DLGAP2: variants seen among roughly 807,000 people sequenced by gnomAD.
DLGAP2 encodes the protein disks large-associated protein 2.
DLGAP2 carries 26 observed loss-of-function variants against 100.3 expected under a neutral mutation model. The observed-to-expected ratio is 0.26, with a 90% CI of 0.19 to 0.36. The LOEUF (loss-of-function observed/expected upper bound fraction) is 0.36. Ranked by LOEUF, DLGAP2 falls within the 10% of genes least tolerant of loss-of-function variation. The pLI is 1.00. For synonymous variants in DLGAP2, 886 were observed against 630.1 expected (o/e 1.41, Z -6.08); for missense variants, 1,858 against 1,453.2 (o/e 1.28, Z -4.53).
Position 1,701,474 on chromosome 8 carries a change from C to T in DLGAP2, c.*68C>T, listed in dbSNP as rs534915540. ...GGACGCTTGTGCAGCGCGGCGCCGC[C>T]CTGGTGGTTTCTGTCTCCTCCTCCC... On this transcript the variant is annotated 3_prime_UTR_variant, in exon 15 of 15. Coordinates refer to ENST00000637795, the MANE Select transcript of DLGAP2 (RefSeq NM_001346810.2). 3.2e-5 allele frequency: 47 copies of T among 1,471,046 alleles called. No individual in the cohort carries two copies. Among genetic ancestry groups the T allele is most frequent in the Non-Finnish European group, 3.9e-5 (43 of 1,097,826 alleles). 91.1% of individuals were successfully genotyped at this position (1,471,046 alleles called of 1,614,324 possible). A position where few individuals can be genotyped will look rare whatever the true frequency, so the allele number is the denominator to read the frequency against.
chr8:998,125 A>G (rs1192398649), intron 2 of DLGAP2, among the ~76,000 whole-genome samples: 1 of 152,116 alleles, frequency 6.6e-6, no homozygotes, highest in Non-Finnish European at 1.5e-5. Context: ...ATGAACACAA[A>G]CATGCATACA....
intron 2 of DLGAP2, among the ~76,000 whole-genome samples, chr8:1,234,983 A>T (rs1164445544): frequency 1.3e-5 from 2 of 150,808 alleles, no homozygotes; most frequent in African/African-American, 2.4e-5. Context: ...TCTCTCACGC[A>T]TAGCATCGTG....
chr8:1,589,191 A>C (rs1206941971), intron 6 of DLGAP2, among the ~76,000 whole-genome samples: 1 of 152,260 alleles, frequency 6.6e-6, no homozygotes, highest in Non-Finnish European at 1.5e-5. Flanking sequence ...CACTAAAATA[A>C]GAAAAGATAA....
At chr8:1,360,642 C>G (rs1801962079) in intron 3 of DLGAP2, among the ~76,000 whole-genome samples, 2 of 152,180 alleles carry the variant, frequency 1.3e-5, no homozygotes, top group Non-Finnish European at 2.9e-5. Flanking sequence ...TGCACACCCC[C>G]CACATCCTGA....
chr8:1,185,819 C>T (rs1400158947), intron 2 of DLGAP2, among the ~76,000 whole-genome samples: 2 of 152,018 alleles, frequency 1.3e-5, no homozygotes, highest in Non-Finnish European at 2.9e-5. Flanking sequence ...TGTAATCTAG[C>T]TTTAAACACA....
Position 1,494,049 on chromosome 8 carries a change from G to T in DLGAP2, c.107-7317G>T, listed in dbSNP as rs903237911. 6.6e-5 allele frequency among the ~76,000 whole-genome samples: 10 copies of T among 152,352 alleles called. No homozygotes were observed. The East Asian group carries it at 1.9e-3, about 29-fold the overall frequency. ...TGCCCTCCCATTCTGCATCGGGGGGGGCAGTAGGATGAACCCATAAACACA... is the reference window on the plus strand; with the variant it reads ...TGCCCTCCCATTCTGCATCGGGGGGTGCAGTAGGATGAACCCATAAACACA... On this transcript the variant is annotated intron_variant, in intron 3 of 14. Coordinates refer to ENST00000637795, the MANE Select transcript of DLGAP2 (RefSeq NM_001346810.2).
intron 3 of DLGAP2, among the ~76,000 whole-genome samples, chr8:1,432,664 C>G (rs1231320690): frequency 6.6e-6 from 1 of 152,200 alleles, no homozygotes; most frequent in Non-Finnish European, 1.5e-5. Flanking sequence ...AAGGCACTGG[C>G]CCTGAGCTGT....
At chr8:1,386,526 C>T (rs1030632068) in intron 3 of DLGAP2, among the ~76,000 whole-genome samples, 3 of 152,078 alleles carry the variant, frequency 2.0e-5, no homozygotes, top group African/African-American at 7.2e-5. Flanking sequence ...CTCCGGAGCT[C>T]CAGGCACAGG....
chr8:1,580,115 T>C (rs535308288), intron 6 of DLGAP2, among the ~76,000 whole-genome samples: 3 of 152,280 alleles, frequency 2.0e-5, no homozygotes, highest in African/African-American at 7.2e-5. Context: ...GGAGACACCG[T>C]AAAATTAAAG....
intron 2 of DLGAP2, among the ~76,000 whole-genome samples, chr8:1,123,452 C>T (rs1241514811): frequency 1.3e-5 from 2 of 152,106 alleles, no homozygotes; most frequent in Admixed American, 1.3e-4. Context: ...TTCCAGTAAA[C>T]AAGGAGGTTC....
chr8:1,518,145 T>TA (rs1208295422), intron 4 of DLGAP2, among the ~76,000 whole-genome samples: 1 of 152,232 alleles, frequency 6.6e-6, no homozygotes, highest in Non-Finnish European at 1.5e-5. Flanking sequence ...TATTGAGTGT[T>TA]ACGCTTCTGT....
intron 3 of DLGAP2, among the ~76,000 whole-genome samples, chr8:1,270,726 C>G (rs962360988): frequency 9.3e-5 from 14 of 151,030 alleles, no homozygotes; most frequent in African/African-American, 2.9e-4. Context: ...GTGTGTCTCC[C>G]TCTCTCTTTG....
At position 800,693 on chromosome 8, in the gene DLGAP2, T is replaced by C. The variant is rs534631995; in HGVS notation, c.18+62868T>C. 3.4e-4 allele frequency among the ~76,000 whole-genome samples: 52 copies of C among 152,242 alleles called. No individual in the cohort carries two copies. In the East Asian group the frequency reaches 8.9e-3, roughly 26 times the overall value. On this transcript the variant is annotated intron_variant, in intron 1 of 14. Coordinates refer to ENST00000637795, the MANE Select transcript of DLGAP2 (RefSeq NM_001346810.2). ...GTGTACATGTATGTGTATGTGCATG[T>C]GTGCATGTGTGTGTCTGTGTGTCCA...
chr8:1,117,774 C>T (rs1795929380), intron 2 of DLGAP2, among the ~76,000 whole-genome samples: 1 of 152,192 alleles, frequency 6.6e-6, no homozygotes, highest in African/African-American at 2.4e-5. Flanking sequence ...GGAGAGCAGG[C>T]ACACAGAATC....
chr8:1,172,116 A>G (rs1418958477), intron 2 of DLGAP2, among the ~76,000 whole-genome samples: 2 of 151,496 alleles, frequency 1.3e-5, no homozygotes, highest in East Asian at 3.9e-4. Context: ...TTGTCTGTAA[A>G]GTATTTTATT....
chr8:743,309 C>T lies in DLGAP2; in HGVS notation c.18+5484C>T, dbSNP rs577363042. ...CCCAAAACTACAAAGCCATGTTCAA[C>T]CTGAGGATCATGCTTTCAGGGTAGA... On this transcript the variant is annotated intron_variant, in intron 1 of 14. Coordinates refer to ENST00000637795, the MANE Select transcript of DLGAP2 (RefSeq NM_001346810.2). 3.3e-5 allele frequency among the ~76,000 whole-genome samples: 5 copies of T among 152,252 alleles called. No individual in the cohort carries two copies. The South Asian group carries it at 8.3e-4, about 25-fold the overall frequency.
chr8:1,033,773 G>A (rs1802042979), intron 2 of DLGAP2, among the ~76,000 whole-genome samples: 2 of 149,508 alleles, frequency 1.3e-5, no homozygotes, highest in Non-Finnish European at 3.0e-5. Context: ...GTGTCACCGC[G>A]AGTGGGTTCA....
At chr8:1,578,612 T>A (rs1695508799) in intron 6 of DLGAP2, among the ~76,000 whole-genome samples, 1 of 152,252 alleles carries the variant, frequency 6.6e-6, no homozygotes, top group African/African-American at 2.4e-5. Context: ...AATTATTCTG[T>A]TAAAAACCAT....
intron 3 of DLGAP2, among the ~76,000 whole-genome samples, chr8:1,372,405 G>T (rs775654716): frequency 3.9e-5 from 6 of 152,170 alleles, no homozygotes; most frequent in Non-Finnish European, 7.4e-5. Flanking sequence ...ACACCGTCTT[G>T]CCCTCACTCC....
Sources: gnomAD v4.1 joint callset for allele counts (sites outside exome capture counted in the v4.1 genomes callset) on GRCh38, gnomAD v4.1.1 for gene constraint, MANE v1.5 for transcripts, NCBI Gene and HGNC (gene_info 2026-07-23, HGNC 2026-07-21) for gene names.